The following NEK10 variants were observed in gnomAD, a reference collection of about 807,000 sequenced individuals.
The protein encoded by NEK10 is serine/threonine-protein kinase Nek10.
A neutral mutation model predicts 159.8 loss-of-function variants in NEK10; 122 were observed. The ratio of observed to expected loss-of-function variants is 0.76; its 90% CI spans 0.66 to 0.89. The LOEUF is 0.89. Among genes scored for constraint, NEK10 ranks in the 40% least tolerant of loss-of-function variants. The pLI is 0.00. For synonymous variants in NEK10, 466 were observed against 457.1 expected, an observed-to-expected ratio of 1.02 and a Z score of -0.25; for missense variants, 1,342 against 1,323.1, an observed-to-expected ratio of 1.01 and a Z score of -0.22.
chr3:27,277,938 T>C (rs967285284), intron 22 of NEK10, among the ~76,000 whole-genome samples: 1 of 152,198 alleles, frequency 6.6e-6, no homozygotes, highest in Admixed American at 6.5e-5. Flanking sequence ...TATTGACACA[T>C]AATGGACATG....
chr3:27,171,418 C>T (rs1946971688), intron 29 of NEK10, among the ~76,000 whole-genome samples: 1 of 152,190 alleles, frequency 6.6e-6, no homozygotes, highest in African/African-American at 2.4e-5. Flanking sequence ...TTCTTGCTGG[C>T]TTGGAGGTAG....
intron 12 of NEK10, among the ~76,000 whole-genome samples, chr3:27,304,436 T>C (rs1290702447): frequency 6.6e-6 from 1 of 152,164 alleles, no homozygotes; most frequent in African/African-American, 2.4e-5. Flanking sequence ...TTTTTTTAGG[T>C]TACTGGATTT....
chr3:27,284,508 T>G, intron 22 of NEK10, 94 bp downstream of exon 22: 1 of 724,528 alleles, frequency 1.4e-6, no homozygotes, highest in Non-Finnish European at 2.4e-6. Context: ...ACAAAGAACA[T>G]TCCCATGAGT....
intron 1 of NEK10, among the ~76,000 whole-genome samples, chr3:27,355,145 T>C (rs370098904): frequency 2.0e-5 from 3 of 152,112 alleles, no homozygotes; most frequent in East Asian, 3.9e-4. Context: ...CCTGCTGCAT[T>C]AGCTTCCAAC....
In NEK10 at chr3:27,290,708, T is replaced by C. The variant is rs751369878; in HGVS notation, c.1652A>G (p.Asn551Ser). 2.5e-6 allele frequency: 4 copies of C among 1,609,262 alleles called. No individual in the cohort carries two copies. In the African/African-American group the frequency reaches 4.0e-5, roughly 16 times the overall value. Residue 551 changes from asparagine (N) to serine (S), a missense_variant, in exon 19 of 36, where the codon AAT (asparagine) becomes AGT (serine). Coordinates refer to ENST00000691995, the MANE Select transcript of NEK10 (RefSeq NM_001394966.1). The stretch of plus-strand genomic sequence containing the variant: ...CTTTCCAAATGCTGGGTTATGTAAA[T>C]TGACCTCTTTCATTGCTAAAAGATT... ...GQNLLAMKEV[N>S]LHNPAFGKDK...
intron 30 of NEK10, among the ~76,000 whole-genome samples, chr3:27,143,717 T>C (rs1226069723): frequency 6.6e-6 from 1 of 152,150 alleles, no homozygotes; most frequent in Non-Finnish European, 1.5e-5. Context: ...ATGTTAGTTG[T>C]ACAAATGAGA....
chr3:27,120,339 T>C (rs77049638), intron 32 of NEK10, among the ~76,000 whole-genome samples: 1 of 151,686 alleles, frequency 6.6e-6, no homozygotes, highest in Admixed American at 6.6e-5. Context: ...TTTTTTTTTT[T>C]CTGCAACAGT....
At chr3:27,226,484 T>C (rs888007178) in intron 23 of NEK10, among the ~76,000 whole-genome samples, 1 of 152,182 alleles carries the variant, frequency 6.6e-6, no homozygotes, top group Non-Finnish European at 1.5e-5. Context: ...ATTTCTTGAG[T>C]GGACCTAACG....
At chr3:27,124,908 G>A (rs1382621725) in intron 32 of NEK10, among the ~76,000 whole-genome samples, 1 of 152,150 alleles carries the variant, frequency 6.6e-6, no homozygotes, top group Non-Finnish European at 1.5e-5. Flanking sequence ...TGCAAGTGCT[G>A]TGTGAACCCT....
At chr3:27,162,496 A>T in intron 30 of NEK10, 1 of 1,614,164 alleles carries the variant, frequency 6.2e-7, no homozygotes, top group Non-Finnish European at 8.5e-7. Context: ...CACAGCAGGA[A>T]GGCTATGGGA....
chr3:27,368,458 A>G (rs767419344), intron 1 of NEK10, among the ~76,000 whole-genome samples: 10 of 152,210 alleles, frequency 6.6e-5, no homozygotes, highest in Non-Finnish European at 1.3e-4. Context: ...AAATTGAGAC[A>G]GTAAAAATAG....
At chr3:27,229,315 C>T (rs111493847) in intron 23 of NEK10, among the ~76,000 whole-genome samples, 3 of 152,208 alleles carry the variant, frequency 2.0e-5, no homozygotes, top group African/African-American at 7.2e-5. Context: ...AAACTATAAA[C>T]ATTAAAGTCT....
chr3:27,259,189 G>C (rs1163356046), intron 22 of NEK10, among the ~76,000 whole-genome samples: 1 of 152,122 alleles, frequency 6.6e-6, no homozygotes, highest in African/African-American at 2.4e-5. Context: ...TCTGATGGTA[G>C]TTTCTTTTGC....
intron 23 of NEK10, among the ~76,000 whole-genome samples, chr3:27,225,950 A>ATAG (rs1018541475): frequency 3.9e-5 from 6 of 152,324 alleles, no homozygotes; most frequent in African/African-American, 1.4e-4. Context: ...AGTTCATAAG[A>ATAG]TTAACTGACC....
intron 23 of NEK10, among the ~76,000 whole-genome samples, chr3:27,246,420 C>T (rs1436867083): frequency 6.6e-6 from 1 of 152,016 alleles, no homozygotes; most frequent in African/African-American, 2.4e-5. Flanking sequence ...TTATTTTTAA[C>T]TTTACTTGTA....
intron 18 of NEK10, 125 bp from the exon 19 acceptor site, chr3:27,290,879 G>C: frequency 1.4e-6 from 1 of 726,182 alleles, no homozygotes; most frequent in Non-Finnish European, 2.2e-6. Flanking sequence ...ATAAGTCACA[G>C]AGCATTTAAA....
chr3:27,113,864 T>G (rs985844893), intron 35 of NEK10, among the ~76,000 whole-genome samples: 7 of 152,178 alleles, frequency 4.6e-5, no homozygotes, highest in South Asian at 2.1e-4. Flanking sequence ...TTCTTGATAT[T>G]TAAATGATTT....
chr3:27,262,587 T>C (rs2040511933), intron 22 of NEK10, among the ~76,000 whole-genome samples: 2 of 152,248 alleles, frequency 1.3e-5, no homozygotes, highest in South Asian at 4.1e-4. Context: ...TCATTTGATC[T>C]TCCATCACTG....
chr3:27,177,202 T>G (rs1042602227), intron 26 of NEK10, among the ~76,000 whole-genome samples: 1 of 152,168 alleles, frequency 6.6e-6, no homozygotes, highest in Non-Finnish European at 1.5e-5. Context: ...TTTCAGACTC[T>G]GTATGCATAA....
Sources: gnomAD v4.1 joint callset for allele counts (sites outside exome capture counted in the v4.1 genomes callset) on GRCh38, gnomAD v4.1.1 for gene constraint, MANE v1.5 for transcripts, NCBI Gene and HGNC (gene_info 2026-07-23, HGNC 2026-07-21) for gene names.